Variants in BTRC observed in about 807,000 individuals in gnomAD.
BTRC encodes the protein beta-transducin repeat containing E3 ubiquitin protein ligase.
A neutral mutation model predicts 85.5 loss-of-function variants in BTRC; 42 were observed. That is an observed-to-expected ratio of 0.49 (90% CI 0.38 to 0.64). The LOEUF is 0.64. BTRC is among the 30% of genes least tolerant of loss of function. BTRC has a pLI of 0.00. For synonymous variants in BTRC, 255 were observed against 263.3 expected (o/e 0.97, Z 0.30); for missense variants, 594 against 743.5 (o/e 0.80, Z 2.34).
intron 12 of BTRC, among the ~76,000 whole-genome samples, chr10:101,537,951 T>C (rs576544654): frequency 6.6e-6 from 1 of 152,314 alleles, no homozygotes; most frequent in African/African-American, 2.4e-5. Context: ...ATAAACTCCA[T>C]TGCTCTTACA....
At chr10:101,506,707 C>G (rs1946550708) in intron 4 of BTRC, among the ~76,000 whole-genome samples, 1 of 152,222 alleles carries the variant, frequency 6.6e-6, no homozygotes, top group Admixed American at 6.5e-5. Flanking sequence ...TCTCAGTTGA[C>G]TAACCCTAGG....
At chr10:101,453,462 G>A (rs1198382618) in intron 2 of BTRC, 2 of 152,166 alleles carry the variant, frequency 1.3e-5, no homozygotes, top group Non-Finnish European at 2.9e-5. Flanking sequence ...TAGCTTTGGA[G>A]CTGGTTATTT....
At chr10:101,383,057 A>ATTTTTTTTTTTTTTTTTTTTTTTTTTT (rs370353886) in intron 1 of BTRC, among the ~76,000 whole-genome samples, 2 of 116,516 alleles carry the variant, frequency 1.7e-5, no homozygotes, top group Non-Finnish European at 3.3e-5. Flanking sequence ...TTCCCTGGAG[A>ATTTTTTTTTTTTTTTTTTTTTTTTTTT]TTTTTTTTTT....
chr10:101,388,787 A>G (rs968300824), intron 1 of BTRC, among the ~76,000 whole-genome samples: 9 of 152,336 alleles, frequency 5.9e-5, no homozygotes, highest in Non-Finnish European at 8.8e-5. Flanking sequence ...GACTGCACCC[A>G]GCCCAGCCTG....
chr10:101,453,889 G>A (rs1022279240), intron 2 of BTRC, among the ~76,000 whole-genome samples: 2 of 152,222 alleles, frequency 1.3e-5, no homozygotes, highest in African/African-American at 4.8e-5. Flanking sequence ...GTGGGAGATA[G>A]GATCTTTCTT....
intron 1 of BTRC, among the ~76,000 whole-genome samples, chr10:101,385,711 A>G (rs1298044089): frequency 7.0e-6 from 1 of 143,110 alleles, no homozygotes; most frequent in Admixed American, 7.5e-5. Context: ...CTGGTATCAC[A>G]GGATCCTTCC....
intron 4 of BTRC, among the ~76,000 whole-genome samples, chr10:101,482,393 C>CTTTTTTTTTTTTTTTTTTT (rs55978440): frequency 4.3e-4 from 43 of 99,806 alleles, no homozygotes; most frequent in African/African-American, 4.6e-4. Context: ...TTGTTTGTTT[C>CTTTTTTTTTTTTTTTTTTT]TTTTTTTTTT....
intron 2 of BTRC, among the ~76,000 whole-genome samples, chr10:101,439,608 C>G (rs1944627691): frequency 6.6e-6 from 1 of 152,190 alleles, no homozygotes; most frequent in Non-Finnish European, 1.5e-5. Context: ...CTTTCTCCCC[C>G]ATTTGTCTGC....
At chr10:101,374,295 G>A (rs1942725360) in intron 1 of BTRC, among the ~76,000 whole-genome samples, 1 of 152,026 alleles carries the variant, frequency 6.6e-6, no homozygotes, top group South Asian at 2.1e-4. Context: ...GTTTTGATTT[G>A]CATTTCTCTG....
At chr10:101,371,906 CAT>C (rs1038872905) in intron 1 of BTRC, among the ~76,000 whole-genome samples, 8 of 152,038 alleles carry the variant, frequency 5.3e-5, no homozygotes, top group Non-Finnish European at 7.4e-5. Flanking sequence ...ACACCTCACA[CAT>C]GAGGCTGAAA....
chr10:101,379,916 A>T (rs1942886827), intron 1 of BTRC, among the ~76,000 whole-genome samples: 2 of 152,302 alleles, frequency 1.3e-5, no homozygotes, highest in African/African-American at 4.8e-5. Context: ...CCTTTTTATA[A>T]GAGTTCATAT....
chr10:101,518,064 C>T (rs2062047666), intron 4 of BTRC, among the ~76,000 whole-genome samples: 1 of 151,568 alleles, frequency 6.6e-6, no homozygotes, highest in African/African-American at 2.4e-5. Flanking sequence ...AGGCGCCCGC[C>T]ACTACGCCCG....
At chr10:101,380,506 A>G (rs1942901831) in intron 1 of BTRC, among the ~76,000 whole-genome samples, 2 of 152,108 alleles carry the variant, frequency 1.3e-5, no homozygotes, top group African/African-American at 4.8e-5. Flanking sequence ...GGTACTCCTC[A>G]CTTCCCAGAC....
At chr10:101,549,052 CAAA>C (rs1319987974) in intron 13 of BTRC, among the ~76,000 whole-genome samples, 2 of 118,092 alleles carry the variant, frequency 1.7e-5, no homozygotes, top group African/African-American at 6.4e-5. Flanking sequence ...GACTCTGTCT[CAAA>C]AAAAAAAAAG....
chr10:101,377,902 G>T (rs1017794045), intron 1 of BTRC, among the ~76,000 whole-genome samples: 1 of 151,662 alleles, frequency 6.6e-6, no homozygotes, highest in African/African-American at 2.4e-5. Flanking sequence ...GACCTTTGGT[G>T]TGTAGAACAC....
At chr10:101,406,365 A>G (rs998257544) in intron 1 of BTRC, among the ~76,000 whole-genome samples, 1 of 150,902 alleles carries the variant, frequency 6.6e-6, no homozygotes, top group African/African-American at 2.4e-5. Flanking sequence ...TTTAGTAGAG[A>G]CGGGGTTTCA....
chr10:101,469,440 A>C (rs1307955717), intron 3 of BTRC, among the ~76,000 whole-genome samples: 1 of 152,178 alleles, frequency 6.6e-6, no homozygotes, highest in Non-Finnish European at 1.5e-5. Flanking sequence ...TTCTGAATCT[A>C]TCTAATGGTC....
chr10:101,531,757 A>G (rs2062285325), intron 7 of BTRC, among the ~76,000 whole-genome samples: 1 of 152,230 alleles, frequency 6.6e-6, no homozygotes, highest in African/African-American at 2.4e-5. Flanking sequence ...ATCTCTTTAC[A>G]GGCGAGTAGG....
intron 5 of BTRC, among the ~76,000 whole-genome samples, chr10:101,522,280 T>C (rs1216043443): frequency 7.5e-6 from 1 of 134,192 alleles, no homozygotes; most frequent in Admixed American, 8.0e-5. Flanking sequence ...GACCTCGTGG[T>C]CCACCTGCCT....
Sources: gnomAD v4.1 joint callset for allele counts (sites outside exome capture counted in the v4.1 genomes callset) on GRCh38, gnomAD v4.1.1 for gene constraint, MANE v1.5 for transcripts, NCBI Gene and HGNC (gene_info 2026-07-23, HGNC 2026-07-21) for gene names.